The following PCDHA11 variants were observed in gnomAD, a reference collection of about 807,000 sequenced individuals.
PCDHA11 encodes the protein protocadherin alpha 11, also known as protocadherin alpha-11.
In PCDHA11, 61 loss-of-function variants were observed where a neutral mutation model predicts 70.3. The ratio of observed to expected loss-of-function variants is 0.87; its 90% CI spans 0.71 to 1.07. The LOEUF is 1.07. Among genes scored for constraint, PCDHA11 ranks in the 50% least tolerant of loss-of-function variants. The pLI is 0.00. For synonymous variants in PCDHA11, 633 were observed against 555.1 expected (o/e 1.14, Z -1.97); for missense variants, 1,324 against 1,237.5 (o/e 1.07, Z -1.05).
intron 3 of PCDHA11, among the ~76,000 whole-genome samples, chr5:140,998,381 G>A (rs932010146): frequency 4.6e-5 from 7 of 152,144 alleles, no homozygotes; most frequent in Non-Finnish European, 2.9e-5. Flanking sequence ...TCTCTAGAAA[G>A]TTTAATGCCA....
intron 1 of PCDHA11, chr5:140,882,287 G>A (rs1289206552): frequency 3.1e-6 from 5 of 1,613,126 alleles, no homozygotes; most frequent in African/African-American, 1.3e-5. Context: ...TTCCTGGCAA[G>A]GAGGCCCAAG....
chr5:140,955,839 A>G (rs527318905), intron 1 of PCDHA11, among the ~76,000 whole-genome samples: 8 of 152,162 alleles, frequency 5.3e-5, no homozygotes, highest in African/African-American at 1.9e-4. Flanking sequence ...GTGGTTTGTC[A>G]TTCTCCTTGA....
intron 1 of PCDHA11, among the ~76,000 whole-genome samples, chr5:140,917,324 CG>C (rs1299895515): frequency 5.3e-5 from 4 of 76,126 alleles, no homozygotes; most frequent in African/African-American, 1.7e-4. Context: ...GTTCATGTGG[CG>C]GGGGAGGGGG....
chr5:141,003,252 TGGGCAGTGCCTAA>T (rs2098117217), intron 3 of PCDHA11, among the ~76,000 whole-genome samples: 1 of 152,236 alleles, frequency 6.6e-6, no homozygotes, highest in South Asian at 2.1e-4. Context: ...AAAAGATTCC[TGGGCAGTGCCTAA>T]GGGAAGTGCC....
At chr5:140,928,844 C>A (rs782361945) in intron 1 of PCDHA11, 9 of 1,614,168 alleles carry the variant, frequency 5.6e-6, no homozygotes, top group Non-Finnish European at 7.6e-6. Context: ...TCCTCTGTCA[C>A]TCTGGGTGTG....
intron 1 of PCDHA11, 78 bp from the exon 2 acceptor site, chr5:140,978,871 T>A (rs1328301924): frequency 6.2e-7 from 1 of 1,606,392 alleles, no homozygotes; most frequent in Non-Finnish European, 8.5e-7. Context: ...TTTAAGGGAG[T>A]AACTAATCAA....
chr5:140,969,363 C>T, intron 1 of PCDHA11: 2 of 1,610,732 alleles, frequency 1.2e-6, no homozygotes, highest in Non-Finnish European at 8.5e-7. Context: ...CTTCTACAAA[C>T]TCATGCATTT....
intron 3 of PCDHA11, among the ~76,000 whole-genome samples, chr5:141,001,941 A>G (rs565358428): frequency 6.6e-6 from 1 of 151,874 alleles, no homozygotes; most frequent in Admixed American, 6.5e-5. Context: ...GTGAGCGGAA[A>G]TAAGGAGGAG....
intron 1 of PCDHA11, chr5:140,968,754 G>A (rs782271569): frequency 1.2e-5 from 19 of 1,614,052 alleles, no homozygotes; most frequent in South Asian, 2.2e-5. Context: ...GTGGTGGTCC[G>A]AGATAATGGA....
At chr5:140,987,232 A>G (rs1554248942) in intron 3 of PCDHA11, among the ~76,000 whole-genome samples, 1 of 151,894 alleles carries the variant, frequency 6.6e-6, no homozygotes, top group African/African-American at 2.4e-5. Flanking sequence ...AAAAAATAAT[A>G]AATAAAGAAA....
intron 1 of PCDHA11, among the ~76,000 whole-genome samples, chr5:140,945,123 A>G (rs1421068345): frequency 2.0e-5 from 3 of 152,190 alleles, no homozygotes; most frequent in African/African-American, 4.8e-5. Context: ...TAAAAAATCA[A>G]CTTACAAAAA....
intron 3 of PCDHA11, among the ~76,000 whole-genome samples, chr5:141,005,406 G>C (rs1224420854): frequency 1.3e-5 from 2 of 152,172 alleles, no homozygotes; most frequent in Non-Finnish European, 2.9e-5. Flanking sequence ...GACTTGAAGA[G>C]TGAGGAGTCA....
At chr5:140,906,966 G>A (rs1401949243) in intron 1 of PCDHA11, among the ~76,000 whole-genome samples, 5 of 152,120 alleles carry the variant, frequency 3.3e-5, no homozygotes, top group African/African-American at 1.2e-4. Context: ...TGGAATCGTG[G>A]TTGTGTCTTC....
chr5:140,965,496 A>ATT lies in PCDHA11; in HGVS notation c.2392-13439_2392-13438dup, dbSNP rs71766133. On this transcript the variant is annotated intron_variant, in intron 1 of 3. Coordinates refer to ENST00000398640, the MANE Select transcript of PCDHA11 (RefSeq NM_018902.5). Reference sequence around the variant, plus strand: ...CCCACATTTTGCTTAATGACAGCAGATTTTTTTTTTTTTTTAACTGCAAAG... The same window carrying ATT: ...CCCACATTTTGCTTAATGACAGCAGATTTTTTTTTTTTTTTTTAACTGCAAAG... Among the ~76,000 whole-genome samples the ATT allele has an allele frequency of 3.3e-3, 482 of 146,482 alleles. 3 individuals are homozygous for ATT. The highest frequency in any genetic ancestry group is 0.011 in the African/African-American group (455 of 40,032).
chr5:141,003,411 G>A (rs537266386), intron 3 of PCDHA11, among the ~76,000 whole-genome samples: 4 of 152,092 alleles, frequency 2.6e-5, no homozygotes, highest in Non-Finnish European at 4.4e-5. Context: ...TCCCGGGTTC[G>A]AGTGATTCTT....
At chr5:140,967,253 C>T in intron 1 of PCDHA11, 4 of 1,613,546 alleles carry the variant, frequency 2.5e-6, no homozygotes, top group South Asian at 1.1e-5. Context: ...ATCGGTGGCG[C>T]CTGGAGCGCG....
chr5:140,947,402 T>C (rs550043631), intron 1 of PCDHA11, among the ~76,000 whole-genome samples: 1 of 151,868 alleles, frequency 6.6e-6, no homozygotes, highest in East Asian at 1.9e-4. Context: ...AAGTAGACTG[T>C]CTTGATATTG....
chr5:140,998,393 C>A (rs1178528705), intron 3 of PCDHA11, among the ~76,000 whole-genome samples: 12 of 152,288 alleles, frequency 7.9e-5, no homozygotes, highest in African/African-American at 2.4e-4. Flanking sequence ...TTAATGCCAT[C>A]TTTATGCCAA....
At chr5:140,884,186 G>T in intron 1 of PCDHA11, 1 of 1,613,444 alleles carries the variant, frequency 6.2e-7, no homozygotes, top group East Asian at 2.2e-5. Context: ...TCTGGACGAG[G>T]TGGACGCGCC....
Sources: allele counts gnomAD v4.1 joint callset (sites outside exome capture counted in the v4.1 genomes callset), GRCh38; gene constraint gnomAD v4.1.1; transcripts MANE v1.5; gene names NCBI Gene and HGNC (gene_info 2026-07-23, HGNC 2026-07-21).